MGAT4A: variants seen among roughly 807,000 people sequenced by gnomAD.
The protein encoded by MGAT4A is alpha-1,3-mannosyl-glycoprotein 4-beta-N-acetylglucosaminyltransferase A.
A neutral mutation model predicts 74.1 loss-of-function variants in MGAT4A; 33 were observed. The observed-to-expected ratio is 0.45, with a 90% confidence interval of 0.34 to 0.60. MGAT4A has a LOEUF of 0.60. Among genes scored for constraint, MGAT4A ranks in the 20% least tolerant of loss-of-function variants. MGAT4A has a pLI of 0.02. For synonymous variants in MGAT4A, 198 were observed against 210.4 expected (o/e 0.94, Z 0.51); for missense variants, 479 against 628.3 (o/e 0.76, Z 2.54).
chr2:98,730,536 C>G (rs952885026), intron 1 of MGAT4A, among the ~76,000 whole-genome samples: 1 of 152,290 alleles, frequency 6.6e-6, no homozygotes, highest in African/African-American at 2.4e-5. Flanking sequence ...CTCGGACCGT[C>G]CGGCCCCGCC....
At chr2:98,673,321 T>C (rs1226316828) in intron 4 of MGAT4A, among the ~76,000 whole-genome samples, 1 of 152,146 alleles carries the variant, frequency 6.6e-6, no homozygotes, top group East Asian at 1.9e-4. Flanking sequence ...GTTCTGAATA[T>C]GAAGCCCTAG....
chr2:98,693,727 G>C (rs557856682), intron 2 of MGAT4A, among the ~76,000 whole-genome samples: 2 of 149,722 alleles, frequency 1.3e-5, no homozygotes, highest in Non-Finnish European at 3.0e-5. Context: ...GGACTTTAAA[G>C]GAAATAGTTT....
intron 2 of MGAT4A, among the ~76,000 whole-genome samples, chr2:98,721,411 G>A (rs1183008552): frequency 1.4e-5 from 1 of 73,648 alleles, no homozygotes; most frequent in African/African-American, 1.4e-4. Context: ...TTCTGTTAAC[G>A]ATTTAAAAAG....
intron 2 of MGAT4A, among the ~76,000 whole-genome samples, chr2:98,693,695 A>G (rs1702224922): frequency 6.6e-6 from 1 of 151,754 alleles, no homozygotes; most frequent in African/African-American, 2.4e-5. Flanking sequence ...AAAAAAAAAA[A>G]AGATCAACTG....
intron 8 of MGAT4A, among the ~76,000 whole-genome samples, chr2:98,649,934 C>T (rs1276334095): frequency 6.6e-6 from 1 of 151,938 alleles, no homozygotes; most frequent in Non-Finnish European, 1.5e-5. Context: ...AGAAACCAAC[C>T]CCAAAGAAAT....
Position 98,663,435 on chromosome 2 carries a change from T to C in MGAT4A, c.404-256A>G. On this transcript the variant is annotated intron_variant, in intron 4 of 15. Transcript: ENST00000393487. ...ATTAAACTTCACACTAAAAAATGAA[T>C]GGCTGCGAAGTATAAACAGCAAACT... 3 of 1,491,576 alleles carry C rather than the reference T, an allele frequency of 2.0e-6. No individual in the cohort carries two copies. In the South Asian group the frequency reaches 4.1e-5, roughly 20 times the overall value. The allele number at this position is 1,491,576 out of a possible 1,614,324, so 92.4% of individuals were successfully genotyped here. A position where few individuals can be genotyped will look rare whatever the true frequency, so the allele number is the denominator to read the frequency against.
chr2:98,705,901 C>T (rs916062285), intron 2 of MGAT4A, among the ~76,000 whole-genome samples: 2 of 145,140 alleles, frequency 1.4e-5, no homozygotes, highest in Non-Finnish European at 3.0e-5. Context: ...GAGATTGCGC[C>T]ACTGCAGTCC....
At chr2:98,662,456 T>A (rs1483373564) in intron 5 of MGAT4A, among the ~76,000 whole-genome samples, 1 of 152,168 alleles carries the variant, frequency 6.6e-6, no homozygotes, top group African/African-American at 2.4e-5. Context: ...TGGGGAACTC[T>A]AAAAAGTTAG....
chr2:98,667,883 A>G (rs546882507), intron 4 of MGAT4A, among the ~76,000 whole-genome samples: 2 of 151,990 alleles, frequency 1.3e-5, no homozygotes, highest in East Asian at 1.9e-4. Flanking sequence ...CCATGGCCAG[A>G]TAAGTTTTGT....
Position 98,624,214 on chromosome 2 carries a change from G to A in MGAT4A, c.*1352C>T, listed in dbSNP as rs920666924. 7 of 511,538 alleles carry A rather than the reference G, an allele frequency of 1.4e-5. No homozygotes were observed. In the South Asian group the frequency reaches 2.5e-4, roughly 19 times the overall value. 31.7% of individuals were successfully genotyped at this position (511,538 alleles called of 1,614,324 possible). On this transcript the variant is annotated 3_prime_UTR_variant, in exon 16 of 16. Transcript: ENST00000393487. ...TTTTTAGTAGAGACAGGGTTTCACC[G>A]TGTTAGCCAGGATGGTCTTGATCTC...
intron 3 of MGAT4A, among the ~76,000 whole-genome samples, chr2:98,675,626 C>T (rs962798326): frequency 4.0e-5 from 6 of 151,024 alleles, no homozygotes; most frequent in African/African-American, 1.2e-4. Context: ...GGTTCACTGT[C>T]GCCTTGACCT....
intron 8 of MGAT4A, among the ~76,000 whole-genome samples, chr2:98,645,892 G>A (rs1701477219): frequency 6.6e-6 from 1 of 151,348 alleles, no homozygotes; most frequent in African/African-American, 2.4e-5. Flanking sequence ...GGGGAGGGAG[G>A]GGGAAAAAGA....
chr2:98,668,706 C>T (rs548685349), intron 4 of MGAT4A, among the ~76,000 whole-genome samples: 1 of 152,344 alleles, frequency 6.6e-6, no homozygotes, highest in Non-Finnish European at 1.5e-5. Context: ...GCCGCAGACA[C>T]TCAACACCAG....
At chr2:98,659,462 C>A (rs1215753665) in intron 5 of MGAT4A, among the ~76,000 whole-genome samples, 4 of 152,136 alleles carry the variant, frequency 2.6e-5, no homozygotes, top group Admixed American at 6.6e-5. Context: ...GGGCCATAGC[C>A]ACATTTTTGA....
intron 3 of MGAT4A, 55 bp downstream of exon 3, chr2:98,678,249 A>AAAAAAATATATAT (rs67023324): frequency 1.8e-4 from 48 of 263,840 alleles, no homozygotes; most frequent in East Asian, 2.7e-4. Flanking sequence ...AAAAAAAAAA[A>AAAAAAATATATAT]ATATATATAT....
chr2:98,692,402 C>A (rs993414136), intron 2 of MGAT4A, among the ~76,000 whole-genome samples: 2 of 152,118 alleles, frequency 1.3e-5, no homozygotes, highest in African/African-American at 4.8e-5. Context: ...CTACCCCTAG[C>A]CAGGTTAATT....
intron 3 of MGAT4A, among the ~76,000 whole-genome samples, chr2:98,675,742 C>T (rs901601202): frequency 4.6e-5 from 7 of 151,962 alleles, no homozygotes; most frequent in African/African-American, 1.2e-4. Context: ...TTTGTACAGA[C>T]GGGAGTCTCA....
chr2:98,693,752 A>G (rs1338637039), intron 2 of MGAT4A, among the ~76,000 whole-genome samples: 2 of 152,140 alleles, frequency 1.3e-5, no homozygotes, highest in Non-Finnish European at 2.9e-5. Flanking sequence ...CTTCACTCAA[A>G]CTGATAAAAC....
intron 2 of MGAT4A, among the ~76,000 whole-genome samples, chr2:98,719,193 T>C (rs1353334504): frequency 6.6e-6 from 1 of 152,156 alleles, no homozygotes. Context: ...TATCGGACAC[T>C]GACCTTAGAA....
Sources: allele counts gnomAD v4.1 joint callset (sites outside exome capture counted in the v4.1 genomes callset), GRCh38; gene constraint gnomAD v4.1.1; transcripts MANE v1.5; gene names NCBI Gene and HGNC (gene_info 2026-07-23, HGNC 2026-07-21).